TRMT13: variants seen among roughly 807,000 people sequenced by gnomAD.
TRMT13 encodes the protein tRNA:m(4)X modification enzyme TRM13 homolog.
A neutral mutation model predicts 55.9 loss-of-function variants in TRMT13; 45 were observed. The ratio of observed to expected loss-of-function variants is 0.80; its 90% CI spans 0.63 to 1.03. The LOEUF (loss-of-function observed/expected upper bound fraction) is 1.03, where lower values mean the gene tolerates loss of function less well. Among genes scored for constraint, TRMT13 ranks in the 50% least tolerant of loss-of-function variants. The pLI is 0.00. For synonymous variants in TRMT13, 183 were observed against 196.3 expected (o/e 0.93, Z 0.57); for missense variants, 513 against 563.9 (o/e 0.91, Z 0.91).
At position 100,148,140 on chromosome 1, in the gene TRMT13, G is replaced by A; in HGVS notation, c.1064G>A (p.Gly355Asp). Residue 355 changes from glycine to aspartate, a missense_variant, in exon 10 of 11, where the codon GGC (glycine) becomes GAC (aspartate). By Grantham distance (94) the Gly-to-Asp change is moderately conservative (BLOSUM62 -1). Around this residue, in one of 3 missense-constraint regions of TRMT13, gnomAD observed 209 missense variants for 255.8 expected, o/e 0.82. Transcript: ENST00000370141. ...YVGKEYFRAL[G>D]LGAVEFHYFQ... Reference sequence around the variant, plus strand: ...GGCAAAGAATATTTCAGGGCTCTAGGCCTTGGAGCAGTGGAATTCCATTAT... The same window carrying A: ...GGCAAAGAATATTTCAGGGCTCTAGACCTTGGAGCAGTGGAATTCCATTAT... The A allele has an allele frequency of 6.2e-7, 1 of 1,614,182 alleles. No homozygotes were observed. Among genetic ancestry groups the A allele is most frequent in the Non-Finnish European group, 8.5e-7 (1 of 1,180,022 alleles).
At chr1:100,134,272 A>G (rs1214158213) in intron 1 of TRMT13, among the ~76,000 whole-genome samples, 2 of 152,212 alleles carry the variant, frequency 1.3e-5, no homozygotes, top group Non-Finnish European at 2.9e-5. Context: ...TAGGATATAT[A>G]TGAGATGGGA....
At chr1:100,142,303 C>G (rs1427237647) in intron 7 of TRMT13, among the ~76,000 whole-genome samples, 1 of 152,090 alleles carries the variant, frequency 6.6e-6, no homozygotes, top group East Asian at 1.9e-4. Flanking sequence ...AAAGTTTATC[C>G]TAGCAGCACC....
At position 100,136,897 on chromosome 1, in the gene TRMT13, A is replaced by C. The variant is rs1440272818; in HGVS notation, c.163A>C (p.Lys55Gln). 1 of 1,600,058 alleles carries C rather than the reference A, an allele frequency of 6.2e-7. No individual in the cohort carries two copies. The highest frequency in any genetic ancestry group is 8.5e-7 in the Non-Finnish European group (1 of 1,175,568). The change falls in exon 2 of 11, where the codon AAA becomes CAA. Residue 55 changes from lysine to glutamine, a missense_variant. This residue lies in a region of TRMT13 where 298 missense variants were observed against 290.3 expected (regional missense o/e 1.03). Coordinates refer to ENST00000370141, the MANE Select transcript of TRMT13 (RefSeq NM_019083.3). The part of the protein sequence containing the change: ...AGAAEEEDAR[K>Q]RILCPLDPKH... ...AATTTATTAGGAAGAAGATGCTCGG[A>C]AAAGAATCCTGTGTCCTTTAGATCC...
At chr1:100,140,082 G>C (rs1656401796) in intron 4 of TRMT13, 100 bp from the exon 5 acceptor site, 2 of 731,948 alleles carry the variant, frequency 2.7e-6, no homozygotes, top group African/African-American at 3.6e-5. Flanking sequence ...AGCCTAAGCT[G>C]TCATGGGATT....
At position 100,133,284 on chromosome 1, in the gene TRMT13, G is replaced by C. The variant is rs746522645; in HGVS notation, c.116G>C (p.Arg39Thr). Reference sequence around the variant, plus strand: ...AGGATGGTGGTGGCCGCAGGGAAAAGATTTTGTGGTGAACACGCTGGAGCC... The same window carrying C: ...AGGATGGTGGTGGCCGCAGGGAAAACATTTTGTGGTGAACACGCTGGAGCC... ...FCRMVVAAGK[R>T]FCGEHAGAAE... The change falls in exon 1 of 11, where the codon AGA becomes ACA. Residue 39 changes from arginine to threonine, a missense_variant. Physicochemically the swap from Arg to Thr is moderately conservative, Grantham distance 71. This residue lies in a region of TRMT13 where 298 missense variants were observed against 290.3 expected (regional missense o/e 1.03). Coordinates refer to ENST00000370141, the MANE Select transcript of TRMT13 (RefSeq NM_019083.3). 1 of 1,613,910 alleles carries C rather than the reference G, an allele frequency of 6.2e-7. No individual in the cohort carries two copies. Among genetic ancestry groups the C allele is most frequent in the Non-Finnish European group, 8.5e-7 (1 of 1,179,942 alleles).
chr1:100,136,806 A>T (rs758860939), intron 1 of TRMT13, 76 bp from the exon 2 acceptor site: 3 of 1,285,384 alleles, frequency 2.3e-6, no homozygotes, highest in Admixed American at 2.3e-5. Context: ...TTACAGAGAC[A>T]CTGAAGTTAT....
At chr1:100,133,740 T>G (rs1655375253) in intron 1 of TRMT13, among the ~76,000 whole-genome samples, 1 of 152,186 alleles carries the variant, frequency 6.6e-6, no homozygotes, top group Admixed American at 6.5e-5. Flanking sequence ...TGGAAGAAAC[T>G]TTCTTTTAAA....
In TRMT13 at chr1:100,140,406, A is replaced by G; in HGVS notation, c.395-2A>G. ...AAGCTGTTGTGCTTATATTTGGCAC[A>G]GGCTTGAATTCTACACTTAAAGATC... is the stretch of plus-strand genomic sequence containing the variant. On this transcript the variant is annotated splice_acceptor_variant, in intron 5 of 10. Coordinates refer to ENST00000370141, the MANE Select transcript of TRMT13 (RefSeq NM_019083.3). LOFTEE classifies it high-confidence loss of function. The G allele has an allele frequency of 6.2e-7, 1 of 1,612,000 alleles. No homozygotes were observed. The highest frequency in any genetic ancestry group is 8.5e-7 in the Non-Finnish European group (1 of 1,178,724).
intron 7 of TRMT13, among the ~76,000 whole-genome samples, chr1:100,141,482 A>T (rs138167255): frequency 1.3e-3 from 198 of 152,218 alleles, no homozygotes; most frequent in Non-Finnish European, 2.2e-3. Flanking sequence ...GTCCCACGCC[A>T]CCATGCCCAG....
At chr1:100,147,859 T>A in intron 9 of TRMT13, 35 bp from the exon 10 acceptor site, 1 of 1,529,976 alleles carries the variant, frequency 6.5e-7, no homozygotes, top group Non-Finnish European at 8.8e-7. Flanking sequence ...TTAAAGATGA[T>A]GTGGTTTGGG....
chr1:100,136,950 G>GT (rs144353071), intron 2 of TRMT13, 22 bp downstream of exon 2: 71,940 of 1,566,136 alleles, frequency 0.046, 1,302 homozygotes, highest in African/African-American at 0.068. Flanking sequence ...TCAGATACGG[G>GT]TTTTTTTTTG....
chr1:100,147,698 A>C (rs1335953367), intron 9 of TRMT13, among the ~76,000 whole-genome samples, 196 bp from the exon 10 acceptor site: 1 of 152,248 alleles, frequency 6.6e-6, no homozygotes, highest in Non-Finnish European at 1.5e-5. Flanking sequence ...TAAATCATTA[A>C]AGAAATTGAG....
chr1:100,145,936 G>A (rs1291989537), intron 9 of TRMT13, among the ~76,000 whole-genome samples: 1 of 152,086 alleles, frequency 6.6e-6, no homozygotes, highest in Non-Finnish European at 1.5e-5. Flanking sequence ...TAAACTCTTC[G>A]GTACTTCCTG....
chr1:100,136,784 C>T (rs1317375672), intron 1 of TRMT13, 98 bp from the exon 2 acceptor site: 4 of 1,162,524 alleles, frequency 3.4e-6, no homozygotes, highest in East Asian at 2.6e-5. Flanking sequence ...GTTTCCTTAC[C>T]TTGTTTTGAG....
intron 1 of TRMT13, among the ~76,000 whole-genome samples, chr1:100,135,727 G>A (rs1426198804): frequency 6.6e-6 from 1 of 152,108 alleles, no homozygotes; most frequent in African/African-American, 2.4e-5. Context: ...ACTGTTATAT[G>A]ACCCCTATTT....
chr1:100,147,771 G>A (rs1280009060), intron 9 of TRMT13, 123 bp from the exon 10 acceptor site: 1 of 831,970 alleles, frequency 1.2e-6, no homozygotes, highest in Non-Finnish European at 1.8e-6. Flanking sequence ...CAAATATAAA[G>A]CTGAGTAGGT....
At chr1:100,146,835 A>C (rs1657328114) in intron 9 of TRMT13, among the ~76,000 whole-genome samples, 1 of 152,200 alleles carries the variant, frequency 6.6e-6, no homozygotes, top group African/African-American at 2.4e-5. Flanking sequence ...ATTTCTGAAA[A>C]TCACTTACTT....
At chr1:100,137,695 T>A (rs1438772061) in intron 3 of TRMT13, among the ~76,000 whole-genome samples, 1 of 152,168 alleles carries the variant, frequency 6.6e-6, no homozygotes, top group Non-Finnish European at 1.5e-5. Context: ...AATCAGTGCC[T>A]TTGCTTCTAA....
intron 9 of TRMT13, 143 bp from the exon 10 acceptor site, chr1:100,147,751 A>G: frequency 1.5e-6 from 1 of 674,094 alleles, no homozygotes; most frequent in Non-Finnish European, 2.4e-6. Context: ...AATTCATGAT[A>G]GTATTATTAC....
Sources: gnomAD v4.1 joint callset for allele counts (sites outside exome capture counted in the v4.1 genomes callset) on GRCh38, gnomAD v4.1.1 for gene constraint, gnomAD v4.1.1 regional missense constraint, MANE v1.5 for transcripts, NCBI Gene and HGNC (gene_info 2026-07-23, HGNC 2026-07-21) for gene names.